The following HYDIN variants were observed in gnomAD, a reference collection of about 807,000 sequenced individuals.
HYDIN encodes the protein axonemal central pair apparatus protein HYDIN.
A neutral mutation model predicts 403.9 loss-of-function variants in HYDIN; 132 were observed. The observed-to-expected ratio is 0.33, with a 90% confidence interval of 0.28 to 0.38. The LOEUF is 0.38. Among genes scored for constraint, HYDIN ranks in the 10% least tolerant of loss-of-function variants. The pLI is 1.00. For missense variants in HYDIN, 2,827 were observed against 5,009.5 expected, an observed-to-expected ratio of 0.56 and a Z score of 13.15; for synonymous variants, 1,202 against 1,891.7, an observed-to-expected ratio of 0.64 and a Z score of 9.46.
At chr16:70,849,305 C>T (rs1597115804) in intron 75 of HYDIN, among the ~76,000 whole-genome samples, 1 of 151,908 alleles carries the variant, frequency 6.6e-6, no homozygotes, top group Non-Finnish European at 1.5e-5. Context: ...TATTAATTTT[C>T]AGAGTTCTGA....
intron 15 of HYDIN, among the ~76,000 whole-genome samples, chr16:71,065,643 C>T (rs2082239275): frequency 6.6e-6 from 1 of 152,178 alleles, no homozygotes; most frequent in Non-Finnish European, 1.5e-5. Context: ...GGGCAAGATG[C>T]TTTCTGTCTC....
chr16:71,224,527 A>T (rs543437147), intron 1 of HYDIN, among the ~76,000 whole-genome samples: 23 of 148,984 alleles, frequency 1.5e-4, no homozygotes, highest in African/African-American at 5.7e-4. Flanking sequence ...ATTAAATTAA[A>T]CTCTGTTAAA....
chr16:71,039,353 C>T (rs533076567), intron 18 of HYDIN, among the ~76,000 whole-genome samples: 24 of 152,250 alleles, frequency 1.6e-4, no homozygotes, highest in African/African-American at 5.8e-4. Context: ...CTGCTGGTAC[C>T]CTCCCCAGTC....
Position 70,920,773 on chromosome 16 carries a change from G to A in HYDIN, c.7603C>T (p.Arg2535Cys), listed in dbSNP as rs1398603900. ...RLEREKAERE[R>C]LEKLRALEER... ...TCCAGGGCTCGCAGCTTCTCCAGGC[G>A]CTCCCGCTCCGCCTTCTCCCTCTCC... Residue 2535 changes from arginine (R) to cysteine (C), a missense_variant, in exon 46 of 86, where the codon CGC (arginine) becomes TGC (cysteine). By Grantham distance (180) the Arg-to-Cys change is radical. Transcript: ENST00000393567. 33 of 1,559,338 alleles carry A rather than the reference G, an allele frequency of 2.1e-5. No homozygotes were observed. In the East Asian group the frequency reaches 4.6e-4, roughly 22 times the overall value.
intron 1 of HYDIN, chr16:71,203,685 A>T (rs8062914): frequency 2.2e-6 from 1 of 454,876 alleles, no homozygotes; most frequent in South Asian, 1.6e-5. Context: ...AAATTATTCT[A>T]TTCTTATGAA....
At chr16:71,064,966 T>C (rs2082210108) in intron 15 of HYDIN, 126 bp from the exon 16 acceptor site, 2 of 770,874 alleles carry the variant, frequency 2.6e-6, no homozygotes, top group African/African-American at 3.5e-5. Context: ...ACCACATTAG[T>C]CACTTTCAAA....
chr16:71,065,248 AG>A (rs1376632316), intron 15 of HYDIN, among the ~76,000 whole-genome samples: 2 of 152,208 alleles, frequency 1.3e-5, no homozygotes, highest in Non-Finnish European at 2.9e-5. Context: ...AAGCCCCCCA[AG>A]GACTAGCGAC....
At chr16:71,002,558 A>G (rs1185914008) in intron 23 of HYDIN, among the ~76,000 whole-genome samples, 2 of 152,130 alleles carry the variant, frequency 1.3e-5, no homozygotes, top group Non-Finnish European at 2.9e-5. Flanking sequence ...TCTGTTAAAA[A>G]AAAAAAAAAT....
At chr16:71,178,776 A>G (rs1018586768) in intron 4 of HYDIN, 152 bp downstream of exon 4, 3 of 701,648 alleles carry the variant, frequency 4.3e-6, no homozygotes, top group Admixed American at 2.7e-5. Flanking sequence ...CCTTGTCGTC[A>G]TTAAGTTTAC....
At chr16:70,871,989 G>T (rs748157203) in intron 65 of HYDIN, 48 bp downstream of exon 65, 14 of 1,591,438 alleles carry the variant, frequency 8.8e-6, no homozygotes, top group Middle Eastern at 1.7e-4. Context: ...GTCTGGGGTT[G>T]GCTTAGGACT....
chr16:70,941,308 T>C (rs1430771456), intron 43 of HYDIN: 1 of 186,172 alleles, frequency 5.4e-6, no homozygotes. Context: ...GGAAAATGTA[T>C]TAGCACCGTG....
At chr16:71,120,023 T>C (rs1400664373) in intron 9 of HYDIN, among the ~76,000 whole-genome samples, 1 of 151,022 alleles carries the variant, frequency 6.6e-6, no homozygotes, top group Admixed American at 6.6e-5. Context: ...GGCTCTGACA[T>C]CAATATCCCT....
At position 70,808,052 on chromosome 16, in the gene HYDIN, G is replaced by A; in HGVS notation, c.14894C>T (p.Thr4965Ile). 1 of 1,606,738 alleles carries A rather than the reference G, an allele frequency of 6.2e-7. No homozygotes were observed. Among genetic ancestry groups the A allele is most frequent in the Non-Finnish European group, 8.5e-7 (1 of 1,175,296 alleles). The change falls in exon 86 of 86, where the codon ACA becomes ATA. Residue 4965 changes from threonine to isoleucine, a missense_variant. Physicochemically the swap from Thr to Ile is moderately conservative, Grantham distance 89. Transcript: ENST00000393567. ...AATGAGTTTTTCTGCGTGGAAGTCT[G>A]TACAGTCGGTCTGAAAGGGGAACAA... ...RTEYYCRTDC[T>I]DFHAEKLINA...
intron 23 of HYDIN, among the ~76,000 whole-genome samples, chr16:70,995,835 C>T (rs1414490476): frequency 6.6e-6 from 1 of 152,060 alleles, no homozygotes; most frequent in East Asian, 1.9e-4. Flanking sequence ...ATGAAATCAG[C>T]TGGACAAGAA....
intron 80 of HYDIN, among the ~76,000 whole-genome samples, chr16:70,830,740 G>T (rs967107652): frequency 6.6e-6 from 1 of 152,114 alleles, no homozygotes; most frequent in Non-Finnish European, 1.5e-5. Context: ...GCTCAAGAAT[G>T]ACACCCAATG....
chr16:71,157,473 C>T (rs1597905356), intron 6 of HYDIN, among the ~76,000 whole-genome samples: 1 of 150,218 alleles, frequency 6.7e-6, no homozygotes, highest in East Asian at 2.0e-4. Flanking sequence ...GGATCCTTGT[C>T]AGGGGATCTC....
Position 70,883,905 on chromosome 16 carries a change from G to A in HYDIN, c.9979+15C>T. 6.2e-7 allele frequency: 1 copy of A among 1,611,490 alleles called. No individual in the cohort carries two copies. The highest frequency in any genetic ancestry group is 8.5e-7 in the Non-Finnish European group (1 of 1,179,004). On this transcript the variant is annotated intron_variant, in intron 59 of 85. Transcript: ENST00000393567. ...CACCTTTTAAGTGGTGCTGTCCAAT[G>A]TGAGTGGTCAGTACCTGGTAGACAG...
At chr16:70,842,381 G>T (rs888559679) in intron 75 of HYDIN, among the ~76,000 whole-genome samples, 3 of 151,804 alleles carry the variant, frequency 2.0e-5, no homozygotes, top group African/African-American at 4.8e-5. Context: ...TTACATGCAT[G>T]TTTATAATTG....
chr16:70,971,842 TATC>T (rs1488511967), intron 35 of HYDIN, among the ~76,000 whole-genome samples: 42 of 151,758 alleles, frequency 2.8e-4, no homozygotes, highest in Admixed American at 7.9e-4. Context: ...TTGAACATGT[TATC>T]ATGCCTAAGA....
Sources: gnomAD v4.1 joint callset for allele counts (sites outside exome capture counted in the v4.1 genomes callset) on GRCh38, gnomAD v4.1.1 for gene constraint, MANE v1.5 for transcripts, NCBI Gene and HGNC (gene_info 2026-07-23, HGNC 2026-07-21) for gene names.